Variants in FUBP3 observed in about 807,000 individuals in gnomAD.
FUBP3 encodes far upstream element binding protein 3.
FUBP3 carries 28 observed loss-of-function variants against 85.6 expected under a neutral mutation model. The ratio of observed to expected loss-of-function variants is 0.33; its 90% CI spans 0.24 to 0.45. The LOEUF (loss-of-function observed/expected upper bound fraction) is 0.45. Ranked by LOEUF, FUBP3 falls within the 20% of genes least tolerant of loss-of-function variation. The pLI is 1.00. For missense variants in FUBP3, 583 were observed against 755.1 expected (o/e 0.77, Z 2.67); for synonymous variants, 271 against 271.4 (o/e 1.00, Z 0.01).
chr9:130,626,348 C>T lies in FUBP3; in HGVS notation c.976-16C>T, dbSNP rs1289784205. Reference sequence around the variant, plus strand: ...TGGCAGTGGCAGAGGTCGCTACAGCCCTGTGATCTTTCCAGGAAAGAGACG... The same window carrying T: ...TGGCAGTGGCAGAGGTCGCTACAGCTCTGTGATCTTTCCAGGAAAGAGACG... On this transcript the variant is annotated splice_polypyrimidine_tract_variant and intron_variant, in intron 11 of 18. Coordinates refer to ENST00000319725, the MANE Select transcript of FUBP3 (RefSeq NM_003934.2). 1 of 1,608,164 alleles carries T rather than the reference C, an allele frequency of 6.2e-7. No homozygotes were observed. The highest frequency in any genetic ancestry group is 8.5e-7 in the Non-Finnish European group (1 of 1,177,334).
chr9:130,628,519 T>C (rs1434465568), intron 12 of FUBP3, among the ~76,000 whole-genome samples: 5 of 152,166 alleles, frequency 3.3e-5, no homozygotes, highest in Admixed American at 6.5e-5. Flanking sequence ...ATTAACTCCT[T>C]CTGGCCCCAC....
At chr9:130,614,417 A>C (rs1230292553) in intron 6 of FUBP3, 72 bp downstream of exon 6, 7 of 932,864 alleles carry the variant, frequency 7.5e-6, no homozygotes, top group Non-Finnish European at 1.0e-5. Context: ...ATGGAAGGGC[A>C]ACACTGTTAC....
At chr9:130,634,137 T>C (rs1830323645) in intron 16 of FUBP3, among the ~76,000 whole-genome samples, 2 of 152,188 alleles carry the variant, frequency 1.3e-5, no homozygotes, top group Non-Finnish European at 1.5e-5. Context: ...CCCAGGGTCC[T>C]GCACAGAAGA....
At chr9:130,596,425 A>C (rs575285198) in intron 2 of FUBP3, among the ~76,000 whole-genome samples, 2 of 152,334 alleles carry the variant, frequency 1.3e-5, no homozygotes, top group African/African-American at 4.8e-5. Context: ...TGTATTATAT[A>C]ATCTTTTCTC....
chr9:130,595,383 G>T lies in FUBP3; in HGVS notation c.85-100G>T, dbSNP rs375114847. 78 of 732,788 alleles carry T rather than the reference G, an allele frequency of 1.1e-4. No individual in the cohort carries two copies. The African/African-American group carries it at 1.3e-3, about 12-fold the overall frequency. 45.4% of individuals were successfully genotyped at this position (732,788 alleles called of 1,614,324 possible). On this transcript the variant is annotated intron_variant, in intron 1 of 18. Coordinates refer to ENST00000319725, the MANE Select transcript of FUBP3 (RefSeq NM_003934.2). ...TGCCTTCCATTAATCAAGGTCAGGG[G>T]AGAAATGGGATAATAGCCCTTTAAA...
intron 13 of FUBP3, 32 bp from the exon 14 acceptor site, chr9:130,631,525 A>G: frequency 6.3e-7 from 1 of 1,582,756 alleles, no homozygotes; most frequent in Non-Finnish European, 8.7e-7. Flanking sequence ...TGCAACCAAC[A>G]GCGGGTGAGA....
Position 130,630,755 on chromosome 9 carries a change from G to A in FUBP3, c.1245G>A (p.Glu415=), listed in dbSNP as rs747998739. 2.6e-6 allele frequency: 4 copies of A among 1,548,664 alleles called. No homozygotes were observed. Among genetic ancestry groups the A allele is most frequent in the Non-Finnish European group, 3.5e-6 (4 of 1,149,026 alleles). ...TCAGGGGGGTTCCCCAGCAGATCGA[G>A]GTGGCCAGGCAGCTCATAGATGAGA... ...FTIRGVPQQI[E]VARQLIDEKV... is the part of the protein sequence containing the mutation. The change falls in exon 13 of 19, where the codon GAG becomes GAA. Residue 415 remains glutamate, a synonymous_variant. Coordinates refer to ENST00000319725, the MANE Select transcript of FUBP3 (RefSeq NM_003934.2).
chr9:130,612,421 T>C lies in FUBP3; in HGVS notation c.225-35T>C, dbSNP rs1831793180. ...CTAAAATGGCTGCAAAAGTCTGTAT[T>C]CTGTATTTTTTTCCAAAATGTTCTT... On this transcript the variant is annotated intron_variant, in intron 3 of 18. Transcript: ENST00000319725. The surrounding 1 kb of genome is among the most constrained non-coding windows in gnomAD (Gnocchi z 4.1). 2 of 1,387,440 alleles carry C rather than the reference T, an allele frequency of 1.4e-6. No individual in the cohort carries two copies. The highest frequency in any genetic ancestry group is 2.9e-5 in the African/African-American group (2 of 70,090). The allele number at this position is 1,387,440 out of a possible 1,614,324, so 85.9% of individuals were successfully genotyped here. A position where few individuals can be genotyped will look rare whatever the true frequency, so the allele number is the denominator to read the frequency against.
At chr9:130,588,544 C>A (rs1412323975) in intron 1 of FUBP3, among the ~76,000 whole-genome samples, 1 of 152,260 alleles carries the variant, frequency 6.6e-6, no homozygotes. Flanking sequence ...AAATAGCAAG[C>A]ATTTCTGGTT....
intron 1 of FUBP3, among the ~76,000 whole-genome samples, chr9:130,580,178 T>C (rs1299468564): frequency 6.6e-6 from 1 of 152,188 alleles, no homozygotes; most frequent in African/African-American, 2.4e-5. Context: ...TTGGGGAACA[T>C]CGTCTTTAGA....
chr9:130,595,692 G>A lies in FUBP3; in HGVS notation c.190+104G>A, dbSNP rs1830836160. 2.0e-5 allele frequency: 15 copies of A among 748,628 alleles called. No individual in the cohort carries two copies. In the South Asian group the frequency reaches 2.1e-4, roughly 11 times the overall value. 46.4% of individuals were successfully genotyped at this position (748,628 alleles called of 1,614,324 possible). On this transcript the variant is annotated intron_variant, in intron 2 of 18. Coordinates refer to ENST00000319725, the MANE Select transcript of FUBP3 (RefSeq NM_003934.2). ...TAACGACTCTCTGAAGTGTCACTCT[G>A]TTGAGAAGAAAGGTTGAAGGGAAGT...
chr9:130,611,878 A>C (rs984953898), intron 3 of FUBP3, among the ~76,000 whole-genome samples: 1 of 152,104 alleles, frequency 6.6e-6, no homozygotes, highest in Non-Finnish European at 1.5e-5. Context: ...TGAGGTAATT[A>C]TTCTGTTCTG....
intron 1 of FUBP3, among the ~76,000 whole-genome samples, chr9:130,588,571 G>A (rs991355040): frequency 6.6e-6 from 1 of 152,178 alleles, no homozygotes; most frequent in Non-Finnish European, 1.5e-5. Flanking sequence ...TGTGCACCCG[G>A]CATTGTTTCT....
intron 1 of FUBP3, among the ~76,000 whole-genome samples, chr9:130,594,153 G>A (rs1830749377): frequency 6.6e-6 from 1 of 152,126 alleles, no homozygotes; most frequent in African/African-American, 2.4e-5. Context: ...TGGGTACCAT[G>A]ACTCACACCT....
intron 1 of FUBP3, among the ~76,000 whole-genome samples, chr9:130,584,567 A>T (rs1033000197): frequency 1.3e-5 from 2 of 151,586 alleles, no homozygotes; most frequent in Admixed American, 6.6e-5. Context: ...GCATTAAAAA[A>T]AAGAGAGAGC....
intron 2 of FUBP3, among the ~76,000 whole-genome samples, chr9:130,604,835 T>C (rs1469118466): frequency 6.6e-6 from 1 of 151,694 alleles, no homozygotes; most frequent in Non-Finnish European, 1.5e-5. Context: ...GAGGTGGAGA[T>C]TGCAGTGAGC....
intron 1 of FUBP3, among the ~76,000 whole-genome samples, chr9:130,580,446 A>G (rs1331147094): frequency 1.3e-5 from 2 of 152,192 alleles, no homozygotes; most frequent in Non-Finnish European, 2.9e-5. Flanking sequence ...GAGAGTGAAT[A>G]TGGGACCTGC....
chr9:130,608,293 C>G (rs1269619466), intron 2 of FUBP3, among the ~76,000 whole-genome samples: 3 of 152,206 alleles, frequency 2.0e-5, no homozygotes, highest in African/African-American at 7.2e-5. Flanking sequence ...TTTAGTTCTT[C>G]TGGCTTCAGT....
Position 130,612,083 on chromosome 9 carries a change from G to A in FUBP3, c.225-373G>A, listed in dbSNP as rs1831774579. On this transcript the variant is annotated intron_variant, in intron 3 of 18. Transcript: ENST00000319725. This position sits in a 1 kb window ranked among gnomAD's most constrained non-coding sequence, Gnocchi z 4.1. ...AGTCTAAACATCTCCCAAAACCCTG[G>A]AGGACCTTTCAGTGACCTGGGATTG... Among the ~76,000 whole-genome samples the A allele has an allele frequency of 6.6e-6, 1 of 152,206 alleles. No homozygotes were observed. The highest frequency in any genetic ancestry group is 2.1e-4 in the South Asian group (1 of 4,834).
Sources: allele counts gnomAD v4.1 joint callset (sites outside exome capture counted in the v4.1 genomes callset), GRCh38; gene constraint gnomAD v4.1.1; non-coding constraint Gnocchi (gnomAD v3.1); transcripts MANE v1.5; gene names NCBI Gene and HGNC (gene_info 2026-07-23, HGNC 2026-07-21).